Variants in ADAMTS16 observed in about 807,000 individuals in gnomAD.
The protein encoded by ADAMTS16 is A disintegrin and metalloproteinase with thrombospondin motifs 16.
In ADAMTS16, 94 loss-of-function variants were observed where a neutral mutation model predicts 145.8. The ratio of observed to expected loss-of-function variants is 0.64; its 90% CI spans 0.55 to 0.77. The LOEUF (loss-of-function observed/expected upper bound fraction) is 0.77, where lower values mean the gene tolerates loss of function less well. Ranked by LOEUF, ADAMTS16 falls within the 30% of genes least tolerant of loss-of-function variation. ADAMTS16 has a pLI of 0.00. For missense variants in ADAMTS16, 1,585 were observed against 1,591.5 expected, an observed-to-expected ratio of 1.00 and a Z score of 0.07; for synonymous variants, 659 against 604.3, an observed-to-expected ratio of 1.09 and a Z score of -1.33.
At chr5:5,157,528 T>C (rs1490496392) in intron 3 of ADAMTS16, among the ~76,000 whole-genome samples, 2 of 152,198 alleles carry the variant, frequency 1.3e-5, no homozygotes, top group East Asian at 3.8e-4. Context: ...AGTGACATGA[T>C]GCATCTGGTG....
intron 3 of ADAMTS16, among the ~76,000 whole-genome samples, chr5:5,156,450 G>C (rs998625978): frequency 1.3e-5 from 2 of 152,166 alleles, no homozygotes; most frequent in Non-Finnish European, 2.9e-5. Context: ...TGGGGGAAAA[G>C]AGATCCCAAA....
At chr5:5,311,574 G>A (rs1740444534) in intron 21 of ADAMTS16, among the ~76,000 whole-genome samples, 1 of 141,098 alleles carries the variant, frequency 7.1e-6, no homozygotes, top group Admixed American at 7.4e-5. Context: ...TTGAGATGAA[G>A]CCTTGCTCTG....
intron 3 of ADAMTS16, among the ~76,000 whole-genome samples, chr5:5,149,606 T>A (rs1400832094): frequency 6.6e-6 from 1 of 152,220 alleles, no homozygotes; most frequent in African/African-American, 2.4e-5. Context: ...TTTCACCCTT[T>A]ACAATGTATC....
At chr5:5,142,902 C>T (rs913218345) in intron 2 of ADAMTS16, among the ~76,000 whole-genome samples, 4 of 152,192 alleles carry the variant, frequency 2.6e-5, no homozygotes, top group Non-Finnish European at 2.9e-5. Flanking sequence ...AATAACACCA[C>T]GCATCTACAA....
At chr5:5,228,994 C>A (rs1278893471) in intron 11 of ADAMTS16, among the ~76,000 whole-genome samples, 1 of 152,220 alleles carries the variant, frequency 6.6e-6, no homozygotes, top group African/African-American at 2.4e-5. Flanking sequence ...TCTGCCTTTG[C>A]CTCTTTTAAG....
chr5:5,232,240 T>C (rs1379004151), intron 11 of ADAMTS16, 128 bp from the exon 12 acceptor site: 4 of 933,816 alleles, frequency 4.3e-6, no homozygotes, highest in Non-Finnish European at 6.2e-6. Flanking sequence ...GCTGCTTGAG[T>C]GTAGGGGGAG....
At chr5:5,242,220 G>T (rs771253742) in intron 17 of ADAMTS16, 29 bp downstream of exon 17, 1 of 1,610,348 alleles carries the variant, frequency 6.2e-7, no homozygotes, top group Non-Finnish European at 8.5e-7. Flanking sequence ...TGCTCCTGGA[G>T]GCAGCATGTC....
At position 5,319,494 on chromosome 5, in the gene ADAMTS16, C is replaced by G. The variant is rs1177697849; in HGVS notation, c.*356C>G. On this transcript the variant is annotated 3_prime_UTR_variant, in exon 23 of 23. Transcript: ENST00000274181. The stretch of plus-strand genomic sequence containing the variant: ...AGGCGAGGCTGAACTTGCTAAATGT[C>G]TGGTGCCTTAGAAAAAGAAGGAAAG... The G allele has an allele frequency of 3.3e-6, 1 of 307,426 alleles. No individual in the cohort carries two copies. Among genetic ancestry groups the G allele is most frequent in the African/African-American group, 2.2e-5 (1 of 45,512 alleles). 19.0% of individuals were successfully genotyped at this position (307,426 alleles called of 1,614,324 possible). A position where few individuals can be genotyped will look rare whatever the true frequency, so the allele number is the denominator to read the frequency against.
intron 18 of ADAMTS16, among the ~76,000 whole-genome samples, chr5:5,300,090 G>A (rs1024444254): frequency 6.6e-6 from 1 of 152,220 alleles, no homozygotes; most frequent in African/African-American, 2.4e-5. Flanking sequence ...GATCGACCCA[G>A]TTGGAACGTC....
At chr5:5,261,173 C>CT (rs1738002082) in intron 17 of ADAMTS16, among the ~76,000 whole-genome samples, 1 of 152,208 alleles carries the variant, frequency 6.6e-6, no homozygotes, top group African/African-American at 2.4e-5. Flanking sequence ...GGGTTTCCCT[C>CT]TATCATACAG....
intron 17 of ADAMTS16, among the ~76,000 whole-genome samples, chr5:5,246,829 T>C (rs1737458415): frequency 6.6e-6 from 1 of 152,190 alleles, no homozygotes; most frequent in Non-Finnish European, 1.5e-5. Flanking sequence ...GGACAGATGG[T>C]ATATACTTGG....
chr5:5,199,623 T>C (rs1735902602), intron 8 of ADAMTS16, among the ~76,000 whole-genome samples: 2 of 152,178 alleles, frequency 1.3e-5, no homozygotes, highest in Admixed American at 6.5e-5. Flanking sequence ...TTAGTTGCAG[T>C]AGCTGTTTGT....
At chr5:5,275,941 C>A (rs1738674063) in intron 18 of ADAMTS16, among the ~76,000 whole-genome samples, 1 of 151,876 alleles carries the variant, frequency 6.6e-6, no homozygotes, top group African/African-American at 2.4e-5. Context: ...TCACCGCAAC[C>A]AACATCACCC....
rs773705451 is a variant in ADAMTS16 at position 5,319,711 on chromosome 5, C to T, written c.*573C>T. The T allele has an allele frequency of 1.6e-4, 59 of 357,932 alleles. No homozygotes were observed. Among genetic ancestry groups the T allele is most frequent in the Non-Finnish European group, 2.4e-4 (45 of 184,218 alleles). The allele number at this position is 357,932 out of a possible 1,614,324, so 22.2% of individuals were successfully genotyped here. A position where few individuals can be genotyped will look rare whatever the true frequency, so the allele number is the denominator to read the frequency against. ...GCATCTCTTACCAGGAACCTGGAGC[C>T]ACCGCCGGAGCCAGCGTCATCTCTA... On this transcript the variant is annotated 3_prime_UTR_variant, in exon 23 of 23. Coordinates refer to ENST00000274181, the MANE Select transcript of ADAMTS16 (RefSeq NM_139056.4).
intron 3 of ADAMTS16, among the ~76,000 whole-genome samples, chr5:5,173,200 T>C (rs1006604593): frequency 6.6e-6 from 1 of 151,240 alleles, no homozygotes; most frequent in Non-Finnish European, 1.5e-5. Flanking sequence ...TCTTAATCCA[T>C]TCAGCCACTC....
intron 18 of ADAMTS16, among the ~76,000 whole-genome samples, chr5:5,295,035 C>T (rs1739477039): frequency 6.6e-6 from 1 of 152,156 alleles, no homozygotes; most frequent in Non-Finnish European, 1.5e-5. Context: ...ATACCTGAAA[C>T]ATTTATTTTC....
chr5:5,255,976 G>A (rs959983556), intron 17 of ADAMTS16, among the ~76,000 whole-genome samples: 2 of 152,132 alleles, frequency 1.3e-5, no homozygotes, highest in African/African-American at 4.8e-5. Flanking sequence ...ACATTCCACA[G>A]TTTATCTTTT....
chr5:5,187,020 T>C lies in ADAMTS16; in HGVS notation c.964-705T>C, dbSNP rs568744680. Among the ~76,000 whole-genome samples the C allele has an allele frequency of 2.0e-5, 3 of 152,324 alleles. No individual in the cohort carries two copies. In the East Asian group the frequency reaches 5.8e-4, roughly 29 times the overall value. ...AGACTGAACCACTAGATTTCTGGGC[T>C]CCCAGGAAGCTGAGGAGGCAGTGAA... On this transcript the variant is annotated intron_variant, in intron 5 of 22. Coordinates refer to ENST00000274181, the MANE Select transcript of ADAMTS16 (RefSeq NM_139056.4).
intron 8 of ADAMTS16, among the ~76,000 whole-genome samples, chr5:5,193,494 T>G (rs1735720222): frequency 1.3e-5 from 2 of 152,206 alleles, no homozygotes; most frequent in Admixed American, 6.5e-5. Context: ...TGAATTTAAT[T>G]AAACAATCAA....
Sources: gnomAD v4.1 joint callset for allele counts (sites outside exome capture counted in the v4.1 genomes callset) on GRCh38, gnomAD v4.1.1 for gene constraint, MANE v1.5 for transcripts, NCBI Gene and HGNC (gene_info 2026-07-23, HGNC 2026-07-21) for gene names.